Variants in CDH23 observed in about 807,000 individuals in gnomAD.
CDH23 encodes the protein cadherin-23.
Under a neutral mutation model 317.1 loss-of-function variants are expected in CDH23, and 189 were observed. The ratio of observed to expected loss-of-function variants is 0.60; its 90% CI spans 0.53 to 0.67. The LOEUF (loss-of-function observed/expected upper bound fraction) is 0.67. Among genes scored for constraint, CDH23 ranks in the 30% least tolerant of loss-of-function variants. The probability of loss-of-function intolerance (pLI) is 0.00; values close to 1 mark genes in which losing one functional copy is unlikely to be tolerated. For missense variants in CDH23, 4,401 were observed against 4,592.4 expected (o/e 0.96, Z 1.20); for synonymous variants, 1,839 against 1,876.8 (o/e 0.98, Z 0.52).
chr10:71,783,102 G>A (rs1469515778), intron 41 of CDH23, among the ~76,000 whole-genome samples: 2 of 152,200 alleles, frequency 1.3e-5, no homozygotes, highest in Non-Finnish European at 2.9e-5. Flanking sequence ...TTCCCCCTAA[G>A]TATTCAAAGG....
chr10:71,445,847 CAAA>C lies in CDH23; in HGVS notation c.68-451_68-449del, dbSNP rs34460284. On this transcript the variant is annotated intron_variant, in intron 2 of 69. Coordinates refer to ENST00000224721, the MANE Select transcript of CDH23 (RefSeq NM_022124.6). ...TGGGTGACAGAGTGAGACTCTGTCT[CAAA>C]AAAAAAAAAAAAAAAAAAATCGGCA... Among the ~76,000 whole-genome samples the C allele has an allele frequency of 1.9e-3, 176 of 92,006 alleles. No homozygotes were observed. The Middle Eastern group carries it at 0.029, about 15-fold the overall frequency. 60.4% of individuals were successfully genotyped at this position (92,006 alleles called of 152,430 possible).
rs1396971539 is a variant in CDH23, at chr10:71,790,402, A to G, written c.6038A>G (p.Asn2013Ser). The change falls in exon 46 of 70, where the codon AAC becomes AGC. Residue 2013 changes from asparagine to serine, a missense_variant. Physicochemically the swap from Asn to Ser is conservative, Grantham distance 46 (BLOSUM62 1). This residue lies in a region of CDH23 where 3,068 missense variants were observed against 3,203.3 expected (regional missense o/e 0.96). Coordinates refer to ENST00000224721, the MANE Select transcript of CDH23 (RefSeq NM_022124.6). ...GCCCAGAGTGGCCTCTTTGACATCA[A>G]CAGCAGCACCGGTGAGGCCTCTGTG... is the stretch of plus-strand genomic sequence containing the variant. ...LGAQSGLFDI[N>S]SSTGVVTVRS... The G allele has an allele frequency of 1.5e-5, 24 of 1,612,944 alleles. No individual in the cohort carries two copies. The highest frequency in any genetic ancestry group is 2.7e-5 in the African/African-American group (2 of 74,908).
At chr10:71,460,413 C>G (rs1564594434) in intron 3 of CDH23, among the ~76,000 whole-genome samples, 1 of 152,266 alleles carries the variant, frequency 6.6e-6, no homozygotes, top group Non-Finnish European at 1.5e-5. Flanking sequence ...GGCAGCAGGA[C>G]TGTGTGCGGC....
chr10:71,627,373 GAT>G (rs1193477789), intron 11 of CDH23, among the ~76,000 whole-genome samples: 6 of 1,184 alleles, frequency 5.1e-3, no homozygotes, highest in African/African-American at 0.014. Flanking sequence ...CCCTTATTGT[GAT>G]GATGATGATG....
chr10:71,609,745 C>T lies in CDH23; in HGVS notation c.833-5759C>T, dbSNP rs983497441. Among the ~76,000 whole-genome samples the T allele has an allele frequency of 3.3e-5, 5 of 152,176 alleles. No homozygotes were observed. In the East Asian group the frequency reaches 5.8e-4, roughly 18 times the overall value. On this transcript the variant is annotated intron_variant, in intron 9 of 69. Coordinates refer to ENST00000224721, the MANE Select transcript of CDH23 (RefSeq NM_022124.6). ...CCATAAACAGCAGCCTCGCCTGGTG[C>T]GCTTTTTCCCAGTGTCTGACGAACG...
chr10:71,802,084 G>T, intron 53 of CDH23, among the ~76,000 whole-genome samples: 1 of 152,190 alleles, frequency 6.6e-6, no homozygotes, highest in Non-Finnish European at 1.5e-5. Flanking sequence ...GAGGCGGGGG[G>T]ATCACCTGAG....
At chr10:71,807,221 C>G (rs1171567405) in intron 57 of CDH23, 56 bp from the exon 58 acceptor site, 1 of 1,595,332 alleles carries the variant, frequency 6.3e-7, no homozygotes, top group Non-Finnish European at 8.6e-7. Context: ...GAAACAGGGA[C>G]TGGAAGCTCG....
chr10:71,617,076 T>C (rs1861226497), intron 10 of CDH23, 129 bp from the exon 11 acceptor site: 2 of 1,238,060 alleles, frequency 1.6e-6, no homozygotes, highest in Non-Finnish European at 2.2e-6. Flanking sequence ...CTCCTGGAGT[T>C]GTGGTGAGGA....
At chr10:71,610,790 C>T (rs1860831416) in intron 9 of CDH23, among the ~76,000 whole-genome samples, 1 of 147,054 alleles carries the variant, frequency 6.8e-6, no homozygotes, top group African/African-American at 2.6e-5. Context: ...GGTCTTGATT[C>T]CTGGAGCTCC....
At chr10:71,495,446 C>T (rs140361840) in intron 3 of CDH23, among the ~76,000 whole-genome samples, 261 of 152,268 alleles carry the variant, frequency 1.7e-3, no homozygotes, top group Non-Finnish European at 2.7e-3. Flanking sequence ...GGTTGGGTCT[C>T]TGGCTAAGGG....
chr10:71,807,500 A>G lies in CDH23; in HGVS notation c.8309-16A>G. ...TGGCCCTGCCCCCTCACCCTGTGCC[A>G]TGATCCCACCCTCAGCCGGCAACGA... On this transcript the variant is annotated splice_polypyrimidine_tract_variant and intron_variant, in intron 58 of 69. Coordinates refer to ENST00000224721, the MANE Select transcript of CDH23 (RefSeq NM_022124.6). 1.2e-6 allele frequency: 2 copies of G among 1,613,372 alleles called. No individual in the cohort carries two copies. The highest frequency in any genetic ancestry group is 1.7e-6 in the Non-Finnish European group (2 of 1,179,512).
At chr10:71,691,404 G>A (rs2132707705) in intron 20 of CDH23, among the ~76,000 whole-genome samples, 1 of 113,176 alleles carries the variant, frequency 8.8e-6, no homozygotes, top group African/African-American at 3.4e-5. Flanking sequence ...ACATGGCTCT[G>A]ACCTCATGAG....
chr10:71,802,892 A>G lies in CDH23; in HGVS notation c.7483-6A>G, dbSNP rs1053089084. ...TTACCTTTGGCCTTGACCTCCATCCACCCAGGTGGTGATCCAAGTGCTGGA... is the reference window on the plus strand; with the variant it reads ...TTACCTTTGGCCTTGACCTCCATCCGCCCAGGTGGTGATCCAAGTGCTGGA... On this transcript the variant is annotated splice_region_variant and splice_polypyrimidine_tract_variant and intron_variant, in intron 53 of 69. Transcript: ENST00000224721. The G allele has an allele frequency of 3.1e-6, 5 of 1,613,644 alleles. No homozygotes were observed. The African/African-American group carries it at 6.7e-5, about 22-fold the overall frequency.
intron 3 of CDH23, among the ~76,000 whole-genome samples, chr10:71,490,083 T>C (rs945234232): frequency 6.6e-6 from 1 of 152,104 alleles, no homozygotes; most frequent in Non-Finnish European, 1.5e-5. Context: ...TTAGGCCTTT[T>C]CTCCTCTTTT....
chr10:71,657,779 T>C (rs550324219), intron 14 of CDH23, among the ~76,000 whole-genome samples: 1 of 151,422 alleles, frequency 6.6e-6, no homozygotes, highest in African/African-American at 2.4e-5. Context: ...CTCATTGTTC[T>C]CAAACCCTTG....
chr10:71,633,241 G>T (rs2394834), intron 11 of CDH23, among the ~76,000 whole-genome samples: 75,125 of 151,760 alleles, frequency 0.5, 19,398 homozygotes, highest in Non-Finnish European at 0.59. Context: ...CGTGAATTTT[G>T]GAGGGGGACA....
chr10:71,488,973 C>T (rs1852500522), intron 3 of CDH23, among the ~76,000 whole-genome samples: 1 of 152,166 alleles, frequency 6.6e-6, no homozygotes, highest in Non-Finnish European at 1.5e-5. Flanking sequence ...AATGTTGGTA[C>T]CTTGAAGGTA....
Position 71,815,187 on chromosome 10 carries a change from G to C in CDH23, c.9974G>C (p.Arg3325Pro), listed in dbSNP as rs577561690. 1.9e-6 allele frequency: 3 copies of C among 1,610,178 alleles called. No individual in the cohort carries two copies. The highest frequency in any genetic ancestry group is 2.5e-6 in the Non-Finnish European group (3 of 1,177,918). ...LTAAEATAFERNARTESAKST... is the reference protein window; with the variant it reads ...LTAAEATAFEPNARTESAKST... Reference sequence around the variant, plus strand: ...GCTGCCGAGGCCACTGCCTTCGAGCGCAACGCCCGCACAGAATCCGCCAAA... The same window carrying C: ...GCTGCCGAGGCCACTGCCTTCGAGCCCAACGCCCGCACAGAATCCGCCAAA... The change falls in exon 70 of 70, where the codon CGC (arginine) becomes CCC (proline). Residue 3325 changes from arginine to proline, a missense_variant. Physicochemically the swap from Arg to Pro is moderately radical, Grantham distance 103. Around this residue, in one of 3 missense-constraint regions of CDH23, gnomAD observed 1,144 missense variants for 1,138.2 expected, o/e 1.01. Coordinates refer to ENST00000224721, the MANE Select transcript of CDH23 (RefSeq NM_022124.6).
chr10:71,773,375 A>C, intron 38 of CDH23: 1 of 1,609,702 alleles, frequency 6.2e-7, no homozygotes, highest in Non-Finnish European at 8.5e-7. Flanking sequence ...CGCAGCCAGG[A>C]AGAGAGCGAA....
Sources: gnomAD v4.1 joint callset for allele counts (sites outside exome capture counted in the v4.1 genomes callset) on GRCh38, gnomAD v4.1.1 for gene constraint, gnomAD v4.1.1 regional missense constraint, MANE v1.5 for transcripts, NCBI Gene and HGNC (gene_info 2026-07-23, HGNC 2026-07-21) for gene names.